FRMD6: variants seen among roughly 807,000 people sequenced by gnomAD.
FRMD6 encodes FERM domain containing 6.
FRMD6 carries 37 observed loss-of-function variants against 73.2 expected under a neutral mutation model. The ratio of observed to expected loss-of-function variants is 0.51; its 90% CI spans 0.39 to 0.66. The LOEUF (loss-of-function observed/expected upper bound fraction) is 0.66. Ranked by LOEUF, FRMD6 falls within the 30% of genes least tolerant of loss-of-function variation. FRMD6 has a pLI of 0.00. For missense variants in FRMD6, 714 were observed against 780.5 expected, an observed-to-expected ratio of 0.91 and a Z score of 1.02; for synonymous variants, 273 against 282.2, an observed-to-expected ratio of 0.97 and a Z score of 0.33.
At chr14:51,574,148 C>T (rs1804778316) in intron 2 of FRMD6, among the ~76,000 whole-genome samples, 1 of 152,158 alleles carries the variant, frequency 6.6e-6, no homozygotes, top group African/African-American at 2.4e-5. Context: ...CCTGCCAGCC[C>T]TGCCCAGCCC....
At chr14:51,466,458 A>AT in the FRMD6 span, among the ~76,000 whole-genome samples, 1 of 152,144 alleles carries the variant, frequency 6.6e-6, no homozygotes, top group Non-Finnish European at 1.5e-5. Context: ...ATTGATATTC[A>AT]TTTTTTCTAT....
the FRMD6 span, among the ~76,000 whole-genome samples, chr14:51,432,123 T>C: frequency 2.6e-5 from 4 of 152,166 alleles, no homozygotes; most frequent in Non-Finnish European, 4.4e-5. Flanking sequence ...GCAGAAAACA[T>C]TGAATTAAGA....
chr14:51,402,646 T>C, the FRMD6 span, among the ~76,000 whole-genome samples: 20 of 103,954 alleles, frequency 1.9e-4, no homozygotes, highest in East Asian at 1.2e-3. Flanking sequence ...CTTTTCTTTT[T>C]TTTTTTTTTT....
At chr14:51,411,770 A>C in the FRMD6 span, among the ~76,000 whole-genome samples, 2 of 152,156 alleles carry the variant, frequency 1.3e-5, no homozygotes, top group Non-Finnish European at 2.9e-5. Context: ...GTATGTATGG[A>C]AATTTTTTGT....
chr14:51,448,835 C>T, the FRMD6 span, among the ~76,000 whole-genome samples: 2 of 152,198 alleles, frequency 1.3e-5, no homozygotes, highest in Admixed American at 1.3e-4. Flanking sequence ...ATACCTCCCC[C>T]AGCTCGTCGT....
chr14:51,496,412 G>A (rs1470516480), intron 1 of FRMD6, among the ~76,000 whole-genome samples: 2 of 152,076 alleles, frequency 1.3e-5, no homozygotes, highest in Non-Finnish European at 2.9e-5. Flanking sequence ...AGACTTACTC[G>A]TGTGACTACA....
At chr14:51,651,634 G>A (rs977095940), upstream of FRMD6, 1 of 152,448 alleles carries the variant, frequency 6.6e-6, no homozygotes, top group African/African-American at 2.4e-5. Context: ...GGTCCCTAGA[G>A]GGGTGGCGTA....
chr14:51,691,588 A>ATTTTTTTTTTTTTTTTTTTTTTTTTTTT (rs758677611), intron 2 of FRMD6, among the ~76,000 whole-genome samples: 7 of 75,146 alleles, frequency 9.3e-5, no homozygotes, highest in Non-Finnish European at 1.7e-4. Context: ...TTTGATTTTG[A>ATTTTTTTTTTTTTTTTTTTTTTTTTTTT]TTTTTTTTTT....
rs560143855 is a variant in FRMD6 at position 51,620,029 on chromosome 14, C to T, written c.-147+49619C>T. Among the ~76,000 whole-genome samples, 154 of 152,178 alleles carry T rather than the reference C, an allele frequency of 1.0e-3. 2 individuals are homozygous for T. The highest frequency in any genetic ancestry group is 7.8e-4 in the Non-Finnish European group (53 of 68,020). On this transcript the variant is annotated intron_variant, in intron 2 of 14. Transcript: ENST00000356218. ...CGGTGAGATAGGACAAGTTAATTCA[C>T]CTTTATGAGCCCCAAGTGCCTAGTT...
At position 51,703,603 on chromosome 14, in the gene FRMD6, C is replaced by G. The variant is rs188379338; in HGVS notation, c.371+1015C>G. On this transcript the variant is annotated intron_variant, in intron 5 of 13. Transcript: ENST00000344768. ...TATATATTTAACAAATAGTTAACCC[C>G]CTGGGGCTAAGTTTTAATGCATCCC... Among the ~76,000 whole-genome samples, 85 of 152,052 alleles carry G rather than the reference C, an allele frequency of 5.6e-4. 2 individuals carry two copies. In the East Asian group the frequency reaches 0.014, roughly 24 times the overall value.
chr14:51,564,711 C>T (rs1046317394), intron 1 of FRMD6, among the ~76,000 whole-genome samples: 1 of 152,154 alleles, frequency 6.6e-6, no homozygotes, highest in African/African-American at 2.4e-5. Flanking sequence ...CTCTTCTAAG[C>T]AAATGTTTAA....
At chr14:51,599,553 A>T (rs943378326) in intron 2 of FRMD6, among the ~76,000 whole-genome samples, 9 of 152,220 alleles carry the variant, frequency 5.9e-5, no homozygotes, top group African/African-American at 2.2e-4. Flanking sequence ...GAGTAAACAG[A>T]CAACCTATGA....
Position 51,618,674 on chromosome 14 carries a change from C to T in FRMD6, c.-147+48264C>T, listed in dbSNP as rs1890803608. On this transcript the variant is annotated intron_variant, in intron 2 of 14. Coordinates refer to the FRMD6 transcript ENST00000356218. ...CAAGAATGACTCCCAGTTTTCCAGCCTCAGGGGTTGGGTAGATGGAGTAGC... is the reference window on the plus strand; with the variant it reads ...CAAGAATGACTCCCAGTTTTCCAGCTTCAGGGGTTGGGTAGATGGAGTAGC... Among the ~76,000 whole-genome samples the T allele has an allele frequency of 2.0e-5, 3 of 152,066 alleles. No individual in the cohort carries two copies. The South Asian group carries it at 6.2e-4, about 32-fold the overall frequency.
intron 2 of FRMD6, among the ~76,000 whole-genome samples, chr14:51,585,786 A>G (rs1337506874): frequency 6.6e-6 from 1 of 150,568 alleles, no homozygotes; most frequent in African/African-American, 2.4e-5. Flanking sequence ...TTTACCTCCC[A>G]CTTGTGAGTG....
chr14:51,571,091 C>G (rs376127086), intron 2 of FRMD6, among the ~76,000 whole-genome samples: 22 of 152,282 alleles, frequency 1.4e-4, no homozygotes, highest in African/African-American at 5.1e-4. Flanking sequence ...ACATCCACAG[C>G]ATGGCTGGGC....
intron 1 of FRMD6, among the ~76,000 whole-genome samples, chr14:51,540,164 T>A (rs1886127727): frequency 6.6e-6 from 1 of 151,842 alleles, no homozygotes; most frequent in South Asian, 2.1e-4. Context: ...ACATTGAGGG[T>A]GATAGGGAAC....
intron 1 of FRMD6, among the ~76,000 whole-genome samples, chr14:51,556,790 C>G (rs1460551526): frequency 1.3e-5 from 2 of 152,142 alleles, no homozygotes; most frequent in East Asian, 3.8e-4. Flanking sequence ...CTTTCCCGAG[C>G]TGCCCCTGTC....
At chr14:51,702,374 C>T in intron 4 of FRMD6, 138 bp from the exon 5 acceptor site, 2 of 686,856 alleles carry the variant, frequency 2.9e-6, no homozygotes, top group South Asian at 1.7e-5. Flanking sequence ...CTACTACAAG[C>T]CCCTACTCAT....
intron 1 of FRMD6, among the ~76,000 whole-genome samples, chr14:51,566,273 C>T (rs1271549671): frequency 6.6e-6 from 1 of 152,214 alleles, no homozygotes; most frequent in South Asian, 2.1e-4. Flanking sequence ...ATCGAACACA[C>T]GCAGCTTGCA....
Sources: allele counts gnomAD v4.1 joint callset (sites outside exome capture counted in the v4.1 genomes callset), GRCh38; gene constraint gnomAD v4.1.1; transcripts MANE v1.5; gene names NCBI Gene and HGNC (gene_info 2026-07-23, HGNC 2026-07-21).